HCRTR1: variants seen among roughly 807,000 people sequenced by gnomAD.
HCRTR1 encodes orexin/Hypocretin receptor type 1.
In HCRTR1, 28 loss-of-function variants were observed where a neutral mutation model predicts 40.6. The ratio of observed to expected loss-of-function variants is 0.69; its 90% confidence interval spans 0.51 to 0.95. The LOEUF (loss-of-function observed/expected upper bound fraction) is 0.95. Ranked by LOEUF, HCRTR1 falls within the 40% of genes least tolerant of loss-of-function variation. HCRTR1 has a pLI of 0.00. For synonymous variants in HCRTR1, 209 were observed against 230.0 expected, an observed-to-expected ratio of 0.91 and a Z score of 0.83; for missense variants, 482 against 564.7, an observed-to-expected ratio of 0.85 and a Z score of 1.48.
downstream of HCRTR1, chr1:31,630,579 C>T (rs770652591): frequency 6.3e-7 from 1 of 1,589,186 alleles, no homozygotes; most frequent in East Asian, 2.2e-5. Flanking sequence ...CAGGAAAGGT[C>T]CCTGGTGCAC....
chr1:31,626,724 T>C lies in HCRTR1; in HGVS notation c.1088-66T>C, dbSNP rs373491040. The stretch of plus-strand genomic sequence containing the variant: ...TTGGCTGGAGCTGCGTGGGTGTCCC[T>C]GGGCTCAAGGCCCCTTCCTGCTGCA... On this transcript the variant is annotated intron_variant, in intron 8 of 8. Coordinates refer to ENST00000403528, the MANE Select transcript of HCRTR1 (RefSeq NM_001525.3). This position sits in a 1 kb window ranked among gnomAD's most constrained non-coding sequence, Gnocchi z 4.6. 1 of 1,284,476 alleles carries C rather than the reference T, an allele frequency of 7.8e-7. No individual in the cohort carries two copies. 79.6% of individuals were successfully genotyped at this position (1,284,476 alleles called of 1,614,324 possible).
At position 31,624,987 on chromosome 1, in the gene HCRTR1, C is replaced by A. The variant is rs201654192; in HGVS notation, c.966-10C>A. 1.0e-5 allele frequency: 16 copies of A among 1,590,816 alleles called. No individual in the cohort carries two copies. In the Admixed American group the frequency reaches 2.7e-4, roughly 27 times the overall value. On this transcript the variant is annotated splice_polypyrimidine_tract_variant and intron_variant, in intron 7 of 8. Coordinates refer to ENST00000403528, the MANE Select transcript of HCRTR1 (RefSeq NM_001525.3). ...ACCCCATTTCTGACGCTCCTCCACC[C>A]TGGGCCTAGGGTGTTCGGGATGTTC...
At position 31,621,609 on chromosome 1, in the gene HCRTR1, G is replaced by A. The variant is rs199632921; in HGVS notation, c.738+17G>A. Reference sequence around the variant, plus strand: ...GGCCGCCAGGTGAGGCCCACTCTGGGCAGGGGCTAGGCCAGTCACTGTGTG... The same window carrying A: ...GGCCGCCAGGTGAGGCCCACTCTGGACAGGGGCTAGGCCAGTCACTGTGTG... On this transcript the variant is annotated intron_variant, in intron 6 of 8. Coordinates refer to ENST00000403528, the MANE Select transcript of HCRTR1 (RefSeq NM_001525.3). 1 of 1,574,952 alleles carries A rather than the reference G, an allele frequency of 6.3e-7. No individual in the cohort carries two copies. Among genetic ancestry groups the A allele is most frequent in the South Asian group, 1.1e-5 (1 of 90,398 alleles).
At position 31,619,063 on chromosome 1, in the gene HCRTR1, T is replaced by G. The variant is rs1010796197; in HGVS notation, c.-130T>G. ...TTCCTCCCTTCAGGAAGTTTGAGGC[T>G]GAGACCCGAAAAGACCTGGGTGCAA... is the stretch of plus-strand genomic sequence containing the variant. On this transcript the variant is annotated 5_prime_UTR_variant, in exon 3 of 9. Coordinates refer to ENST00000403528, the MANE Select transcript of HCRTR1 (RefSeq NM_001525.3). The G allele has an allele frequency of 6.0e-6, 4 of 671,944 alleles. No homozygotes were observed. The highest frequency in any genetic ancestry group is 1.0e-5 in the Non-Finnish European group (4 of 399,988). The allele number at this position is 671,944 out of a possible 1,614,324, so 41.6% of individuals were successfully genotyped here. A position where few individuals can be genotyped will look rare whatever the true frequency, so the allele number is the denominator to read the frequency against.
intron 6 of HCRTR1, 59 bp downstream of exon 6, chr1:31,621,651 G>C: frequency 8.3e-7 from 1 of 1,211,066 alleles, no homozygotes; most frequent in Non-Finnish European, 1.2e-6. Context: ...GGGTGGGAGG[G>C]CTACTGGTCT....
Position 31,620,944 on chromosome 1 carries a change from G to GA in HCRTR1, c.480_481insA (p.Ala161SerfsTer31). ...TATTGTTCAAGAGCACAGCCCGGCG[G>GA]GCCCGTGGCTCCATCCTGGGCATCT... On this transcript the variant is annotated frameshift_variant, in exon 5 of 9. Transcript: ENST00000403528. LOFTEE classifies it high-confidence loss of function. 1 of 1,614,090 alleles carries GA rather than the reference G, an allele frequency of 6.2e-7. No individual in the cohort carries two copies. Among genetic ancestry groups the GA allele is most frequent in the Non-Finnish European group, 8.5e-7 (1 of 1,180,020 alleles).
rs967523418 is a variant in HCRTR1, at chr1:31,625,460, T to G, written c.1087+342T>G. Among the ~76,000 whole-genome samples the G allele has an allele frequency of 6.6e-6, 1 of 151,974 alleles. No individual in the cohort carries two copies. Among genetic ancestry groups the G allele is most frequent in the African/African-American group, 2.4e-5 (1 of 41,368 alleles). On this transcript the variant is annotated intron_variant, in intron 8 of 8. Transcript: ENST00000403528. The surrounding 1 kb of genome is among the most constrained non-coding windows in gnomAD (Gnocchi z 4.2). Reference sequence around the variant, plus strand: ...TCAGCTCAGGCAGAGGAGTCCATCCTCCCCGGAGGGAGTCAGACCTGTGGG... The same window carrying G: ...TCAGCTCAGGCAGAGGAGTCCATCCGCCCCGGAGGGAGTCAGACCTGTGGG...
chr1:31,627,710 A>C (rs1056371404), downstream of HCRTR1: 2 of 276,244 alleles, frequency 7.2e-6, no homozygotes, highest in African/African-American at 4.4e-5. Flanking sequence ...AGAAGGCACT[A>C]GAATGCTCTT....
chr1:31,632,101 C>A (rs910291635), downstream of HCRTR1, among the ~76,000 whole-genome samples: 1 of 152,266 alleles, frequency 6.6e-6, no homozygotes, highest in Non-Finnish European at 1.5e-5. Flanking sequence ...GAGGTGGCAA[C>A]AGACCCATCT....
intron 7 of HCRTR1, among the ~76,000 whole-genome samples, chr1:31,624,689 T>C (rs1639936432): frequency 6.6e-6 from 1 of 152,168 alleles, no homozygotes; most frequent in African/African-American, 2.4e-5. Context: ...CTCAGTTTCC[T>C]TAATGGAAAA....
downstream of HCRTR1, chr1:31,630,431 G>C (rs984675758): frequency 6.1e-6 from 4 of 653,860 alleles, no homozygotes; most frequent in African/African-American, 5.4e-5. Context: ...CCTCAGCCCC[G>C]GTCCTCACTA....
At position 31,627,509 on chromosome 1, in the gene HCRTR1, A is replaced by C. The variant is rs969938010; in HGVS notation, c.*529A>C. On this transcript the variant is annotated 3_prime_UTR_variant, in exon 9 of 9. Transcript: ENST00000403528. ...ACCAGGTGCCAAGGGCACACACCAC[A>C]GACCCGACCTTGTTGGCTTTGTGGT... The C allele has an allele frequency of 2.2e-5, 10 of 460,628 alleles. No homozygotes were observed. Among genetic ancestry groups the C allele is most frequent in the Admixed American group, 9.2e-5 (3 of 32,678 alleles). The allele number at this position is 460,628 out of a possible 1,614,324, so 28.5% of individuals were successfully genotyped here. A position where few individuals can be genotyped will look rare whatever the true frequency, so the allele number is the denominator to read the frequency against.
At chr1:31,630,919 A>C, downstream of HCRTR1, 1 of 1,230,222 alleles carries the variant, frequency 8.1e-7, no homozygotes, top group Non-Finnish European at 1.2e-6. Flanking sequence ...ATACTGGATC[A>C]CAACAGTTCA....
chr1:31,620,828 G>T lies in HCRTR1; in HGVS notation c.379-15G>T. The stretch of plus-strand genomic sequence containing the variant: ...TGGCCCCCAAAATGACCGACGTTGT[G>T]TCCCCGTGGGGCAGGCTGTGTCCGT... On this transcript the variant is annotated splice_polypyrimidine_tract_variant and intron_variant, in intron 4 of 8. Coordinates refer to ENST00000403528, the MANE Select transcript of HCRTR1 (RefSeq NM_001525.3). The T allele has an allele frequency of 6.2e-7, 1 of 1,609,618 alleles. No homozygotes were observed.
At chr1:31,629,077 C>G (rs1053392351), downstream of HCRTR1, among the ~76,000 whole-genome samples, 6 of 152,218 alleles carry the variant, frequency 3.9e-5, no homozygotes, top group South Asian at 8.3e-4. Flanking sequence ...AAGCAGAGGC[C>G]AGACTCACAT....
At chr1:31,621,424 G>A in intron 5 of HCRTR1, 53 bp from the exon 6 acceptor site, 2 of 1,352,496 alleles carry the variant, frequency 1.5e-6, no homozygotes, top group Non-Finnish European at 2.1e-6. Context: ...GCTAACCAGG[G>A]CAGGGTGGGG....
downstream of HCRTR1, chr1:31,633,203 C>T: frequency 6.2e-7 from 1 of 1,614,048 alleles, no homozygotes; most frequent in South Asian, 1.1e-5. Context: ...AGACCAATTG[C>T]AGTTGACCAG....
chr1:31,634,322 C>T (rs1255891722), downstream of HCRTR1, among the ~76,000 whole-genome samples: 1 of 152,194 alleles, frequency 6.6e-6, no homozygotes, highest in African/African-American at 2.4e-5. Flanking sequence ...CAAAGCAGAC[C>T]TGGATTCAAA....
chr1:31,632,355 T>C, downstream of HCRTR1: 2 of 1,422,900 alleles, frequency 1.4e-6, no homozygotes, highest in Non-Finnish European at 2.0e-6. Context: ...GGGTGAGGGA[T>C]GCAGGCCTGC....
Sources: allele counts gnomAD v4.1 joint callset (sites outside exome capture counted in the v4.1 genomes callset), GRCh38; gene constraint gnomAD v4.1.1; non-coding constraint Gnocchi (gnomAD v3.1); transcripts MANE v1.5; gene names NCBI Gene and HGNC (gene_info 2026-07-23, HGNC 2026-07-21).